The following ASL variants were observed in gnomAD, a reference collection of about 807,000 sequenced individuals.
The protein encoded by ASL is argininosuccinate lyase.
ASL carries 51 observed loss-of-function variants against 69.1 expected under a neutral mutation model. That is an observed-to-expected ratio of 0.74 (90% CI 0.59 to 0.93). ASL has a LOEUF of 0.93. ASL is among the 40% of genes least tolerant of loss of function. The probability of loss-of-function intolerance (pLI) is 0.00; values close to 1 mark genes in which losing one functional copy is unlikely to be tolerated. For missense variants in ASL, 540 were observed against 623.9 expected (o/e 0.87, Z 1.43); for synonymous variants, 241 against 247.6 (o/e 0.97, Z 0.25).
chr7:66,087,424 C>G, intron 9 of ASL, 38 bp downstream of exon 9: 1 of 1,602,176 alleles, frequency 6.2e-7, no homozygotes, highest in Non-Finnish European at 8.5e-7. Flanking sequence ...GGAGAATCAC[C>G]CTCAGCACCC....
At chr7:66,083,756 G>C (rs976947832) in intron 6 of ASL, among the ~76,000 whole-genome samples, 8 of 151,506 alleles carry the variant, frequency 5.3e-5, no homozygotes, top group Admixed American at 3.3e-4. Context: ...GCCAAGCACA[G>C]CTAGCTTGGC....
rs149426805 is a variant in ASL, at chr7:66,082,911, A to C, written c.323A>C (p.His108Pro). The C allele has an allele frequency of 2.5e-6, 4 of 1,613,620 alleles. 1 individual carries two copies. The African/African-American group carries it at 5.3e-5, about 22-fold the overall frequency. Residue 108 changes from histidine to proline, a missense_variant, in exon 5 of 17, where the codon CAC becomes CCC. By Grantham distance (77) the His-to-Pro change is moderately conservative. Coordinates refer to ENST00000304874, the MANE Select transcript of ASL (RefSeq NM_000048.4). ...ATTGGTGCAACGGCAGGGAAGCTGC[A>C]CACGGGACGGAGCCGGAATGACCAG... is the stretch of plus-strand genomic sequence containing the variant. The part of the protein sequence containing the change: ...ELIGATAGKL[H>P]TGRSRNDQVV...
In ASL at chr7:66,086,647, G is replaced by A. The variant is rs1180650883; in HGVS notation, c.509G>A (p.Ser170Asn). The change falls in exon 7 of 17, where the codon AGC (serine) becomes AAC (asparagine). Residue 170 changes from serine (S) to asparagine (N), a missense_variant. By Grantham distance (46) the Ser-to-Asn change is conservative. Transcript: ENST00000304874. Reference sequence around the variant, plus strand: ...CAGAGGGCCCAGCCCATCCGCTGGAGCCACTGGATTCTGAGGTGAGCCAGG... The same window carrying A: ...CAGAGGGCCCAGCCCATCCGCTGGAACCACTGGATTCTGAGGTGAGCCAGG... ...HLQRAQPIRW[S>N]HWILSHAVAL... 2.5e-6 allele frequency: 4 copies of A among 1,613,928 alleles called. No homozygotes were observed. The South Asian group carries it at 4.4e-5, about 18-fold the overall frequency.
intron 6 of ASL, among the ~76,000 whole-genome samples, chr7:66,084,608 T>C (rs1786605353): frequency 6.6e-6 from 1 of 151,882 alleles, no homozygotes. Flanking sequence ...GCTTTCTGAG[T>C]AGCTAGGACC....
chr7:66,080,385 CAAAAAAAAAAA>C (rs138360695), intron 2 of ASL, among the ~76,000 whole-genome samples: 3 of 61,348 alleles, frequency 4.9e-5, no homozygotes, highest in Admixed American at 2.3e-4. Context: ...GACTCCATCT[CAAAAAAAAAAA>C]AAAAAAAAAA....
At position 66,093,070 on chromosome 7, in the gene ASL, A is replaced by AC; in HGVS notation, c.*159dup. Reference sequence around the variant, plus strand: ...GGGCAGGGTGGCCTGTAATCCCAGCACTTTGGAAGGGCAAGGTGCGAGGAT... The same window carrying AC: ...GGGCAGGGTGGCCTGTAATCCCAGCACCTTTGGAAGGGCAAGGTGCGAGGAT... On this transcript the variant is annotated 3_prime_UTR_variant, in exon 17 of 17. Coordinates refer to ENST00000304874, the MANE Select transcript of ASL (RefSeq NM_000048.4). The AC allele has an allele frequency of 8.0e-7, 1 of 1,257,320 alleles. No homozygotes were observed. 77.9% of individuals were successfully genotyped at this position (1,257,320 alleles called of 1,614,324 possible).
Position 66,087,722 on chromosome 7 carries a change from C to T in ASL, c.656-7C>T. 6.2e-7 allele frequency: 1 copy of T among 1,614,054 alleles called. No individual in the cohort carries two copies. The highest frequency in any genetic ancestry group is 1.1e-5 in the South Asian group (1 of 91,076). ...CAGCTTAGCCCTGCTTCCTCCCACC[C>T]CCCCAGAACTCAACTTTGGGGCCAT... On this transcript the variant is annotated splice_region_variant and splice_polypyrimidine_tract_variant and intron_variant, in intron 9 of 16. Coordinates refer to ENST00000304874, the MANE Select transcript of ASL (RefSeq NM_000048.4).
At position 66,075,996 on chromosome 7, in the gene ASL, C is replaced by G. The variant is rs966270687; in HGVS notation, c.-43-43C>G. ...CTCGGAGCCAGCCCGGCCCGGGGGA[C>G]CCTGCTGGCCAAGGAGGTCGTCAGT... On this transcript the variant is annotated intron_variant, in intron 1 of 16. Transcript: ENST00000304874. 9 of 1,538,312 alleles carry G rather than the reference C, an allele frequency of 5.9e-6. No homozygotes were observed. In the African/African-American group the frequency reaches 1.2e-4, roughly 21 times the overall value.
intron 15 of ASL, 34 bp from the exon 16 acceptor site, chr7:66,092,523 C>A (rs1333029066): frequency 6.3e-7 from 1 of 1,583,830 alleles, no homozygotes; most frequent in East Asian, 2.2e-5. Context: ...ATGGAGAAAC[C>A]TGCCTCAGCG....
intron 14 of ASL, 171 bp from the exon 15 acceptor site, chr7:66,091,835 A>G: frequency 1.4e-6 from 1 of 691,634 alleles, no homozygotes; most frequent in Admixed American, 2.1e-5. Context: ...ACATGTAAAT[A>G]TTATCGATAA....
rs901715532 is a variant in ASL, at chr7:66,081,884, C to T, written c.94C>T (p.Arg32Trp). 2.8e-5 allele frequency: 45 copies of T among 1,613,882 alleles called. No individual in the cohort carries two copies. Among genetic ancestry groups the T allele is most frequent in the Admixed American group, 5.0e-5 (3 of 59,972 alleles). ...GTTCAACGCGTCCATTGCCTACGAC[C>T]GGCACCTTTGGGAGGTGGATGTTCA... Reference protein sequence around the residue: ...EKFNASIAYDRHLWEVDVQGS... With the variant: ...EKFNASIAYDWHLWEVDVQGS... Residue 32 changes from arginine to tryptophan, a missense_variant, in exon 3 of 17, where the codon CGG (arginine) becomes TGG (tryptophan). Physicochemically the swap from Arg to Trp is moderately radical, Grantham distance 101. Transcript: ENST00000304874.
intron 14 of ASL, among the ~76,000 whole-genome samples, chr7:66,090,197 C>T (rs920967855): frequency 6.6e-6 from 1 of 152,198 alleles, no homozygotes; most frequent in East Asian, 1.9e-4. Flanking sequence ...AAGATCATGC[C>T]GCTGCACTCC....
intron 8 of ASL, chr7:66,087,125 A>T (rs1267731120): frequency 3.0e-6 from 2 of 660,898 alleles, no homozygotes; most frequent in Non-Finnish European, 5.3e-6. Flanking sequence ...CTTGGGGACA[A>T]GTGTTTTGTG....
chr7:66,092,722 C>T (rs776209749), intron 16 of ASL, 46 bp from the exon 17 acceptor site: 1 of 1,613,678 alleles, frequency 6.2e-7, no homozygotes, highest in Non-Finnish European at 8.5e-7. Context: ...GTGCCTGGAG[C>T]CCAGGGTGGC....
intron 3 of ASL, 114 bp downstream of exon 3, chr7:66,082,111 A>G: frequency 7.6e-7 from 1 of 1,309,944 alleles, no homozygotes. Context: ...ACATTGAACT[A>G]ATTATATACT....
intron 13 of ASL, 79 bp downstream of exon 13, chr7:66,089,414 G>T (rs1403656926): frequency 1.3e-6 from 2 of 1,534,426 alleles, no homozygotes; most frequent in Non-Finnish European, 8.8e-7. Context: ...CCCACCCCGG[G>T]ATTGCCATAC....
At chr7:66,089,014 C>T in intron 11 of ASL, 77 bp from the exon 12 acceptor site, 1 of 1,610,086 alleles carries the variant, frequency 6.2e-7, no homozygotes, top group South Asian at 1.1e-5. Flanking sequence ...CGTCCCACCC[C>T]TCCGCCAGAC....
At chr7:66,077,299 C>T (rs1001438679) in intron 2 of ASL, among the ~76,000 whole-genome samples, 2 of 152,108 alleles carry the variant, frequency 1.3e-5, no homozygotes, top group African/African-American at 4.8e-5. Context: ...GGTGTGGTGG[C>T]GTACACCTGT....
chr7:66,087,599 C>A, intron 9 of ASL, 130 bp from the exon 10 acceptor site: 1 of 1,026,846 alleles, frequency 9.7e-7, no homozygotes. Flanking sequence ...CCTCCTGGGA[C>A]TGTGCAAAAG....
Sources: allele counts gnomAD v4.1 joint callset (sites outside exome capture counted in the v4.1 genomes callset), GRCh38; gene constraint gnomAD v4.1.1; transcripts MANE v1.5; gene names NCBI Gene and HGNC (gene_info 2026-07-23, HGNC 2026-07-21).